Variants in GARIN6 observed in about 807,000 individuals in gnomAD.
GARIN6 encodes Golgi-associated RAB2 interactor protein 6.
At chr12:99,649,160 T>TA in the GARIN6 span, 2 of 759,984 alleles carry the variant, frequency 2.6e-6, no homozygotes, top group South Asian at 3.2e-5. Context: ...AATTGCCACT[T>TA]ATATACATTG....
chr12:99,649,737 C>T, the GARIN6 span: 8 of 213,236 alleles, frequency 3.8e-5, no homozygotes, highest in Non-Finnish European at 6.6e-5. Flanking sequence ...CTGGCCTCTC[C>T]CTAGAGAGCA....
At chr12:99,648,722 C>A in the GARIN6 span, 1 of 1,613,934 alleles carries the variant, frequency 6.2e-7, no homozygotes, top group Non-Finnish European at 8.5e-7. Context: ...TACAGTGATA[C>A]CAGGGCTATC....
At chr12:99,648,028 T>C in the GARIN6 span, 57 of 1,120,756 alleles carry the variant, frequency 5.1e-5, no homozygotes, top group Non-Finnish European at 6.8e-5. Flanking sequence ...CTCCCTGTTC[T>C]CAGTCACTTG....
At chr12:99,649,949 C>T in the GARIN6 span, 2 of 154,156 alleles carry the variant, frequency 1.3e-5, no homozygotes, top group East Asian at 1.9e-4. Flanking sequence ...GCAGTAATAA[C>T]CTCAAAGCCC....
chr12:99,649,618 A>G, the GARIN6 span: 1 of 504,120 alleles, frequency 2.0e-6, no homozygotes, highest in Non-Finnish European at 3.6e-6. Context: ...GAGGAAGTAT[A>G]GCCAGCATGG....
At chr12:99,648,011 C>A in the GARIN6 span, 2 of 958,222 alleles carry the variant, frequency 2.1e-6, no homozygotes, top group East Asian at 2.6e-5. Context: ...GTAATCAATA[C>A]CCCACCCTCC....
the GARIN6 span, chr12:99,648,098 G>A: frequency 1.3e-6 from 2 of 1,534,890 alleles, no homozygotes; most frequent in Non-Finnish European, 1.8e-6. Context: ...AGTAGCCAAG[G>A]AAACAGGATG....
chr12:99,648,383 C>T, the GARIN6 span: 1 of 1,614,150 alleles, frequency 6.2e-7, no homozygotes, highest in Non-Finnish European at 8.5e-7. Flanking sequence ...CGAATGGTAA[C>T]AATGGGCATC....
chr12:99,649,452 T>C, the GARIN6 span: 1 of 1,400,022 alleles, frequency 7.1e-7, no homozygotes, highest in South Asian at 1.2e-5. Context: ...ACCCCTGCAG[T>C]CATAAAACCT....
At chr12:99,649,197 T>C in the GARIN6 span, 1 of 981,364 alleles carries the variant, frequency 1.0e-6, no homozygotes, top group Non-Finnish European at 1.6e-6. Context: ...TTTGTGTACT[T>C]GTGCAATAAT....
chr12:99,648,880 G>T, the GARIN6 span: 1 of 1,460,644 alleles, frequency 6.8e-7, no homozygotes, highest in Non-Finnish European at 9.1e-7. Context: ...CAGCTCACCT[G>T]GGAAATGCAT....
chr12:99,648,030 A>T, the GARIN6 span: 13 of 1,133,698 alleles, frequency 1.1e-5, no homozygotes, highest in East Asian at 3.1e-4. Flanking sequence ...CCCTGTTCTC[A>T]GTCACTTGGG....
chr12:99,648,016 C>T, the GARIN6 span: 1 of 991,650 alleles, frequency 1.0e-6, no homozygotes, highest in Admixed American at 2.9e-5. Flanking sequence ...CAATACCCCA[C>T]CCTCCCTGTT....
At chr12:99,648,971 G>C in the GARIN6 span, among the ~76,000 whole-genome samples, 6 of 152,270 alleles carry the variant, frequency 3.9e-5, no homozygotes, top group African/African-American at 1.4e-4. Context: ...TGCTTCTCCA[G>C]GGTTCTCCAA....
At chr12:99,649,540 G>T in the GARIN6 span, 13 of 642,928 alleles carry the variant, frequency 2.0e-5, no homozygotes, top group Middle Eastern at 1.1e-3. Context: ...CATGGATGTG[G>T]CTGCAACCAA....
chr12:99,648,581 AACAGCTCCACCTG>A, the GARIN6 span: 5 of 1,614,114 alleles, frequency 3.1e-6, no homozygotes, highest in Non-Finnish European at 4.2e-6. Context: ...AGCGTAAAAA[AACAGCTCCACCTG>A]AAGCTTGCCA....
the GARIN6 span, chr12:99,648,499 A>G: frequency 6.2e-6 from 10 of 1,614,144 alleles, no homozygotes; most frequent in Admixed American, 1.7e-5. Flanking sequence ...GAAAAGAGAA[A>G]GTCCGCCTGC....
chr12:99,648,107 T>G, the GARIN6 span: 3 of 1,543,282 alleles, frequency 1.9e-6, no homozygotes, highest in South Asian at 2.5e-5. Context: ...GGAAACAGGA[T>G]GCCCGCTAAA....
chr12:99,647,804 G>A, the GARIN6 span: 4 of 232,162 alleles, frequency 1.7e-5, no homozygotes, highest in Admixed American at 2.0e-4. Flanking sequence ...GCCAGTTAAG[G>A]TTGTGGAATC....
Sources: gnomAD v4.1 joint callset for allele counts (sites outside exome capture counted in the v4.1 genomes callset) on GRCh38, gnomAD v4.1.1 for gene constraint, MANE v1.5 for transcripts, NCBI Gene and HGNC (gene_info 2026-07-23, HGNC 2026-07-21) for gene names.